Variants in ATG14 observed in about 807,000 individuals in gnomAD.
ATG14 encodes the protein beclin 1-associated autophagy-related key regulator.
In ATG14, 35 loss-of-function variants were observed where a neutral mutation model predicts 60.4. The observed-to-expected ratio is 0.58, with a 90% CI of 0.44 to 0.77. The LOEUF (loss-of-function observed/expected upper bound fraction) is 0.77. ATG14 is among the 30% of genes least tolerant of loss of function. The pLI is 0.00. For missense variants in ATG14, 647 were observed against 626.3 expected, an observed-to-expected ratio of 1.03 and a Z score of -0.35; for synonymous variants, 234 against 228.8, an observed-to-expected ratio of 1.02 and a Z score of -0.21.
chr14:55,369,596 T>C lies in ATG14; in HGVS notation c.*23A>G, dbSNP rs1355481138. On this transcript the variant is annotated 3_prime_UTR_variant, in exon 10 of 10. Coordinates refer to ENST00000247178, the MANE Select transcript of ATG14 (RefSeq NM_014924.5). ...GAGAAGAACTTTCTTGATGCAGATT[T>C]GGTATGTTTTGGTCCATGCTCGTTA... 1 of 1,466,548 alleles carries C rather than the reference T, an allele frequency of 6.8e-7. No individual in the cohort carries two copies. The highest frequency in any genetic ancestry group is 2.3e-5 in the East Asian group (1 of 43,346). The allele number at this position is 1,466,548 out of a possible 1,614,324, so 90.8% of individuals were successfully genotyped here.
Position 55,382,073 on chromosome 14 carries a change from T to A in ATG14, c.766A>T (p.Asn256Tyr). The A allele has an allele frequency of 6.2e-7, 1 of 1,614,194 alleles. No homozygotes were observed. Among genetic ancestry groups the A allele is most frequent in the Non-Finnish European group, 8.5e-7 (1 of 1,180,024 alleles). ...GTAATGCTAATGCTGGTGTCTCCGTTGTGATCGTCACAGACCCATCGTCCT... is the reference window on the plus strand; with the variant it reads ...GTAATGCTAATGCTGGTGTCTCCGTAGTGATCGTCACAGACCCATCGTCCT... ...LSGRWVCDDH[N>Y]GDTSISITGP... Residue 256 changes from asparagine to tyrosine, a missense_variant, in exon 6 of 10, where the codon AAC becomes TAC. By Grantham distance (143) the Asn-to-Tyr change is moderately radical. Coordinates refer to ENST00000247178, the MANE Select transcript of ATG14 (RefSeq NM_014924.5).
chr14:55,400,739 C>T (rs1369864860), intron 1 of ATG14, among the ~76,000 whole-genome samples: 1 of 151,978 alleles, frequency 6.6e-6, no homozygotes, highest in Non-Finnish European at 1.5e-5. Context: ...TCTGTCTCTA[C>T]TAAAAATACA....
chr14:55,400,109 G>C (rs931288337), intron 1 of ATG14, among the ~76,000 whole-genome samples: 3 of 152,214 alleles, frequency 2.0e-5, no homozygotes, highest in African/African-American at 7.2e-5. Flanking sequence ...AAGCAAAAGA[G>C]CAAATGATAC....
intron 7 of ATG14, among the ~76,000 whole-genome samples, chr14:55,379,489 G>C (rs751217604): frequency 9.2e-5 from 14 of 152,138 alleles, no homozygotes; most frequent in Non-Finnish European, 1.3e-4. Flanking sequence ...AGGTTGCAAT[G>C]AGCTAAAATC....
intron 4 of ATG14, among the ~76,000 whole-genome samples, chr14:55,387,539 T>C (rs10149420): frequency 0.56 from 84,678 of 152,056 alleles, 26,609 homozygotes; most frequent in African/African-American, 0.87. Flanking sequence ...GAGGTCCCAC[T>C]GAAGCCTTGC....
At chr14:55,402,799 C>T (rs564716790) in intron 1 of ATG14, among the ~76,000 whole-genome samples, 2 of 140,512 alleles carry the variant, frequency 1.4e-5, no homozygotes, top group South Asian at 2.4e-4. Context: ...GTGGCTCACA[C>T]CTGTAATCTC....
chr14:55,381,799 G>A (rs569655579), intron 6 of ATG14, among the ~76,000 whole-genome samples, 163 bp downstream of exon 6: 1 of 152,294 alleles, frequency 6.6e-6, no homozygotes, highest in South Asian at 2.1e-4. Context: ...TCTGTCTGGG[G>A]TGATCAAAAT....
chr14:55,409,641 C>G (rs775685907), intron 1 of ATG14, among the ~76,000 whole-genome samples: 4 of 151,836 alleles, frequency 2.6e-5, no homozygotes, highest in Non-Finnish European at 4.4e-5. Flanking sequence ...CTGCGAAGGT[C>G]CTGAGGAAGG....
intron 7 of ATG14, among the ~76,000 whole-genome samples, chr14:55,378,846 T>C (rs113474677): frequency 0.011 from 1,705 of 152,182 alleles, 14 homozygotes; most frequent in Middle Eastern, 0.027. Flanking sequence ...GCTGGGACTA[T>C]AGGTGTGTGT....
At position 55,385,975 on chromosome 14, in the gene ATG14, T is replaced by C; in HGVS notation, c.531A>G (p.Glu177=). Residue 177 remains glutamate, a synonymous_variant, in exon 5 of 10, where the codon GAA becomes GAG. Transcript: ENST00000247178. ...RHNRKLGDLV[E]KKTIDLRSHY... ...GACTTCTTAAGTCAATGGTCTTTTT[T>C]TCTACCAGGTCACCAAGTTTGCGAT... The C allele has an allele frequency of 1.2e-6, 2 of 1,614,216 alleles. No individual in the cohort carries two copies. The highest frequency in any genetic ancestry group is 1.1e-5 in the South Asian group (1 of 91,084).
intron 3 of ATG14, among the ~76,000 whole-genome samples, chr14:55,393,188 T>C (rs558511443): frequency 3.9e-5 from 6 of 152,044 alleles, no homozygotes; most frequent in South Asian, 2.1e-4. Context: ...GAGACCATCC[T>C]GGCTAACACG....
At chr14:55,395,356 T>TGTTC (rs1360402123) in intron 3 of ATG14, 1 of 208,494 alleles carries the variant, frequency 4.8e-6, no homozygotes, top group Non-Finnish European at 9.6e-6. Flanking sequence ...TTAAATTTTT[T>TGTTC]GTTTGTTTGT....
rs529138759 is a variant in ATG14 at position 55,366,494 on chromosome 14, A to G, written c.*3125T>C. 1 of 152,782 alleles carries G rather than the reference A, an allele frequency of 6.5e-6. No homozygotes were observed. The highest frequency in any genetic ancestry group is 1.9e-4 in the East Asian group (1 of 5,186). The allele number at this position is 152,782 out of a possible 1,614,324, so 9.5% of individuals were successfully genotyped here. ...CAGAGCAATGGGGAATTCCTGCAAC[A>G]TGATACTGTGAGGAGATTCTCGGAC... On this transcript the variant is annotated 3_prime_UTR_variant, in exon 10 of 10. Transcript: ENST00000247178.
Position 55,366,642 on chromosome 14 carries a change from C to CTTAG in ATG14, c.*2976_*2977insCTAA, listed in dbSNP as rs10628679. ...CCCCTTACAGATGTGCAAAACTTTT[C>CTTAG]TTATATTCCATAACCAAAAAATGTC... On this transcript the variant is annotated 3_prime_UTR_variant, in exon 10 of 10. Transcript: ENST00000247178. The CTTAG allele has an allele frequency of 0.56, 84,511 of 151,884 alleles. 26,495 individuals are homozygous for CTTAG. Among genetic ancestry groups the CTTAG allele is most frequent in the African/African-American group, 0.87 (36,010 of 41,360 alleles). 9.4% of individuals were successfully genotyped at this position (151,884 alleles called of 1,614,324 possible).
rs192154575 is a variant in ATG14, at chr14:55,370,733, C to T, written c.1173-808G>A. Reference sequence around the variant, plus strand: ...CTTGGCTCCTGCAACCTCCACCGCCCAGGTGCAAGCGATTCTCCTGCCTCA... The same window carrying T: ...CTTGGCTCCTGCAACCTCCACCGCCTAGGTGCAAGCGATTCTCCTGCCTCA... On this transcript the variant is annotated intron_variant, in intron 9 of 9. Coordinates refer to ENST00000247178, the MANE Select transcript of ATG14 (RefSeq NM_014924.5). Among the ~76,000 whole-genome samples, 313 of 151,254 alleles carry T rather than the reference C, an allele frequency of 2.1e-3. 5 individuals are homozygous for T. Among genetic ancestry groups the T allele is most frequent in the African/African-American group, 7.2e-3 (297 of 41,006 alleles).
At chr14:55,376,811 C>T (rs1315163944) in intron 9 of ATG14, among the ~76,000 whole-genome samples, 1 of 152,150 alleles carries the variant, frequency 6.6e-6, no homozygotes, top group Non-Finnish European at 1.5e-5. Flanking sequence ...TATGGACAGA[C>T]TGCTAAGAGC....
rs368819148 is a variant in ATG14 at position 55,397,464 on chromosome 14, A to C, written c.222-30T>G. 3.2e-6 allele frequency: 5 copies of C among 1,563,166 alleles called. No individual in the cohort carries two copies. In the African/African-American group the frequency reaches 6.7e-5, roughly 21 times the overall value. The stretch of plus-strand genomic sequence containing the variant: ...AACAAAAAAATTCAATGTCTTATTT[A>C]AATGGTCATTTTTTCAGTTCAATGA... On this transcript the variant is annotated intron_variant, in intron 1 of 9. Coordinates refer to ENST00000247178, the MANE Select transcript of ATG14 (RefSeq NM_014924.5).
chr14:55,376,659 C>A (rs114400169), intron 9 of ATG14, among the ~76,000 whole-genome samples: 1 of 152,076 alleles, frequency 6.6e-6, no homozygotes, highest in African/African-American at 2.4e-5. Context: ...TGTTAGTGGA[C>A]GAGGCCTCCC....
In ATG14 at chr14:55,366,621, TTACAGATGTGCAAAACTTTTCTTA is replaced by T. The variant is rs1160031519; in HGVS notation, c.*2974_*2997del. On this transcript the variant is annotated 3_prime_UTR_variant, in exon 10 of 10. Transcript: ENST00000247178. ...AATGGTGATATACTGTTTTTCCCCC[TTACAGATGTGCAAAACTTTTCTTA>T]TATTCCATAACCAAAAAATGTCTTT... The T allele has an allele frequency of 1.4e-5, 2 of 140,312 alleles. No homozygotes were observed. The highest frequency in any genetic ancestry group is 4.0e-4 in the East Asian group (2 of 4,996). 8.7% of individuals were successfully genotyped at this position (140,312 alleles called of 1,614,324 possible).
Sources: allele counts gnomAD v4.1 joint callset (sites outside exome capture counted in the v4.1 genomes callset), GRCh38; gene constraint gnomAD v4.1.1; transcripts MANE v1.5; gene names NCBI Gene and HGNC (gene_info 2026-07-23, HGNC 2026-07-21).